The following FOXN3 variants were observed in gnomAD, a reference collection of about 807,000 sequenced individuals.
FOXN3 encodes forkhead box protein N3.
A neutral mutation model predicts 38.4 loss-of-function variants in FOXN3; 7 were observed. The observed-to-expected ratio is 0.18, with a 90% CI of 0.10 to 0.34. The LOEUF is 0.34. FOXN3 is among the 10% of genes least tolerant of loss of function. The pLI, the probability that FOXN3 is intolerant of heterozygous loss-of-function variation, is 1.00. For synonymous variants in FOXN3, 230 were observed against 242.2 expected, an observed-to-expected ratio of 0.95 and a Z score of 0.47; for missense variants, 456 against 613.4, an observed-to-expected ratio of 0.74 and a Z score of 2.71.
chr14:89,472,994 C>A (rs1276527249), intron 1 of FOXN3, among the ~76,000 whole-genome samples: 1 of 152,026 alleles, frequency 6.6e-6, no homozygotes, highest in Non-Finnish European at 1.5e-5. Context: ...GCATTGCCCA[C>A]CAATGGAGGA....
At chr14:89,532,001 A>G (rs1894581141) in intron 1 of FOXN3, among the ~76,000 whole-genome samples, 1 of 152,212 alleles carries the variant, frequency 6.6e-6, no homozygotes, top group Non-Finnish European at 1.5e-5. Flanking sequence ...TTAAAGTATC[A>G]TACCTGGACT....
intron 3 of FOXN3, among the ~76,000 whole-genome samples, chr14:89,342,169 C>CA (rs1451890825): frequency 6.6e-5 from 10 of 152,148 alleles, no homozygotes; most frequent in African/African-American, 2.4e-4. Context: ...AAAGGTAACT[C>CA]GGAGTGGTTC....
chr14:89,399,704 G>C (rs530923575), intron 2 of FOXN3, among the ~76,000 whole-genome samples: 9 of 152,304 alleles, frequency 5.9e-5, no homozygotes, highest in African/African-American at 1.7e-4. Context: ...CTTCTGGAAG[G>C]GGGAGGGGCT....
At chr14:89,310,316 G>A (rs979828469) in intron 3 of FOXN3, among the ~76,000 whole-genome samples, 2 of 152,240 alleles carry the variant, frequency 1.3e-5, no homozygotes, top group African/African-American at 4.8e-5. Flanking sequence ...CGAGGCGACA[G>A]AGTGCCTAAG....
intron 3 of FOXN3, among the ~76,000 whole-genome samples, chr14:89,304,099 C>G (rs530623063): frequency 2.6e-5 from 4 of 152,192 alleles, no homozygotes; most frequent in Non-Finnish European, 5.9e-5. Context: ...CTGTCACATG[C>G]AAACTTGAAC....
intron 4 of FOXN3, chr14:89,190,270 G>T: frequency 1.3e-6 from 1 of 742,562 alleles, no homozygotes; most frequent in Non-Finnish European, 2.2e-6. Context: ...CTTTTAAAGT[G>T]ATTCTATAAG....
rs1596090246 is a variant in FOXN3, at chr14:89,190,318, G to C, written c.746-9512C>G. 6 of 1,203,608 alleles carry C rather than the reference G, an allele frequency of 5.0e-6. No individual in the cohort carries two copies. In the East Asian group the frequency reaches 1.4e-4, roughly 29 times the overall value. The allele number at this position is 1,203,608 out of a possible 1,614,324, so 74.6% of individuals were successfully genotyped here. On this transcript the variant is annotated intron_variant, in intron 4 of 5. Transcript: ENST00000557258. ...TTAGCATTAGTTCTTCCTATGACCT[G>C]GTGTATAAATGAGAAGGTTAAGTTC... is the stretch of plus-strand genomic sequence containing the variant.
At chr14:89,383,638 C>T (rs1890717633) in intron 2 of FOXN3, among the ~76,000 whole-genome samples, 1 of 152,204 alleles carries the variant, frequency 6.6e-6, no homozygotes, top group South Asian at 2.1e-4. Flanking sequence ...GGTCCAGTCT[C>T]TTCCTGTGTC....
In FOXN3 at chr14:89,368,489, G is replaced by GA. The variant is rs1322105152; in HGVS notation, c.544-17682dup. On this transcript the variant is annotated intron_variant, in intron 2 of 5. Coordinates refer to ENST00000557258, the MANE Select transcript of FOXN3 (RefSeq NM_005197.4). ...GAAACCCAATCTCTAGAAAAAATGC[G>GA]AAAAAATTAGCCAGGCCTGGTGGTA... Among the ~76,000 whole-genome samples, 6 of 150,988 alleles carry GA rather than the reference G, an allele frequency of 4.0e-5. No individual in the cohort carries two copies. The South Asian group carries it at 8.4e-4, about 21-fold the overall frequency.
At chr14:89,360,791 C>T (rs1270416730) in intron 2 of FOXN3, among the ~76,000 whole-genome samples, 4 of 114,698 alleles carry the variant, frequency 3.5e-5, no homozygotes, top group Admixed American at 8.0e-5. Flanking sequence ...CCACCTCCAC[C>T]ACCACCACCT....
chr14:89,350,608 C>T (rs547040554), intron 3 of FOXN3, 64 bp downstream of exon 3: 26 of 1,341,650 alleles, frequency 1.9e-5, no homozygotes, highest in African/African-American at 4.6e-5. Context: ...TTAATTTCCG[C>T]GCAGGTCTCT....
At chr14:89,278,387 T>C (rs980017488) in intron 4 of FOXN3, among the ~76,000 whole-genome samples, 4 of 152,128 alleles carry the variant, frequency 2.6e-5, no homozygotes, top group African/African-American at 9.7e-5. Flanking sequence ...CAAGATGAGA[T>C]TTGGTTGGAG....
chr14:89,312,058 G>C (rs1334500485), intron 3 of FOXN3, among the ~76,000 whole-genome samples: 1 of 151,968 alleles, frequency 6.6e-6, no homozygotes, highest in African/African-American at 2.4e-5. Flanking sequence ...GCCGAGGCAG[G>C]CGGATCATTT....
At position 89,536,794 on chromosome 14, in the gene FOXN3, AT is replaced by A. The variant is rs199915217; in HGVS notation, c.-15+82233del. On this transcript the variant is annotated intron_variant, in intron 1 of 6. Transcript: ENST00000345097. ...CTCTATCTCAAAAATAAAAAAAAAAATTTAAAAAGATTTTTAAAAAAAGATT... is the reference window on the plus strand; with the variant it reads ...CTCTATCTCAAAAATAAAAAAAAAAATTAAAAAGATTTTTAAAAAAAGATT... 4.4e-3 allele frequency among the ~76,000 whole-genome samples: 623 copies of A among 142,770 alleles called. 6 individuals are homozygous for A. The highest frequency in any genetic ancestry group is 0.015 in the African/African-American group (598 of 38,628). 93.7% of individuals were successfully genotyped at this position (142,770 alleles called of 152,430 possible).
chr14:89,267,978 T>C (rs1175076801), intron 4 of FOXN3, among the ~76,000 whole-genome samples: 2 of 152,220 alleles, frequency 1.3e-5, no homozygotes, highest in African/African-American at 4.8e-5. Context: ...TTGAGGGACC[T>C]GGCTTTGAAT....
At chr14:89,277,007 T>C (rs1359705335) in intron 4 of FOXN3, among the ~76,000 whole-genome samples, 1 of 152,228 alleles carries the variant, frequency 6.6e-6, no homozygotes, top group Non-Finnish European at 1.5e-5. Flanking sequence ...GGAATGTCTT[T>C]AATTATGAAT....
Position 89,230,956 on chromosome 14 carries a change from C to T in FOXN3, c.745+49994G>A, listed in dbSNP as rs1202112268. On this transcript the variant is annotated intron_variant, in intron 4 of 5. Coordinates refer to ENST00000557258, the MANE Select transcript of FOXN3 (RefSeq NM_005197.4). The stretch of plus-strand genomic sequence containing the variant: ...CAACCCTGTGATAAATCCCCCATGG[C>T]GTCTACTGGAGTAGCACATAGCCAC... 24 of 447,034 alleles carry T rather than the reference C, an allele frequency of 5.4e-5. 1 individual carries two copies. Among genetic ancestry groups the T allele is most frequent in the South Asian group, 3.3e-4 (21 of 63,326 alleles). The allele number at this position is 447,034 out of a possible 1,614,324, so 27.7% of individuals were successfully genotyped here.
At chr14:89,422,435 G>A (rs530413933) in intron 1 of FOXN3, among the ~76,000 whole-genome samples, 3 of 152,318 alleles carry the variant, frequency 2.0e-5, no homozygotes, top group East Asian at 1.9e-4. Context: ...ACAAATGAAC[G>A]CAAGACAGTC....
At chr14:89,549,975 T>C (rs1037834265) in intron 1 of FOXN3, among the ~76,000 whole-genome samples, 3 of 152,238 alleles carry the variant, frequency 2.0e-5, no homozygotes, top group South Asian at 4.1e-4. Flanking sequence ...TTCAGTGCGA[T>C]GCCTGTGAGC....
Sources: gnomAD v4.1 joint callset for allele counts (sites outside exome capture counted in the v4.1 genomes callset) on GRCh38, gnomAD v4.1.1 for gene constraint, MANE v1.5 for transcripts, NCBI Gene and HGNC (gene_info 2026-07-23, HGNC 2026-07-21) for gene names.